Variants in TRIT1 observed in about 807,000 individuals in gnomAD.
TRIT1 encodes the protein tRNA dimethylallyltransferase.
Under a neutral mutation model 51.2 loss-of-function variants are expected in TRIT1, and 43 were observed. The ratio of observed to expected loss-of-function variants is 0.84; its 90% CI spans 0.66 to 1.08. The LOEUF is 1.08. Among genes scored for constraint, TRIT1 ranks in the 50% least tolerant of loss-of-function variants. The pLI is 0.00. For synonymous variants in TRIT1, 184 were observed against 203.9 expected, an observed-to-expected ratio of 0.90 and a Z score of 0.83; for missense variants, 528 against 578.4, an observed-to-expected ratio of 0.91 and a Z score of 0.89.
intron 7 of TRIT1, 50 bp from the exon 8 acceptor site, chr1:39,847,347 T>G (rs776533285): frequency 6.5e-7 from 1 of 1,548,410 alleles, no homozygotes; most frequent in Non-Finnish European, 8.9e-7. Context: ...CTCCTTACCC[T>G]GCAGAGAGGC....
chr1:39,853,865 G>T (rs1642735675), intron 3 of TRIT1, 105 bp downstream of exon 3: 2 of 731,936 alleles, frequency 2.7e-6, no homozygotes, highest in Non-Finnish European at 4.5e-6. Context: ...AATTATAGTT[G>T]CTGGGTATAA....
chr1:39,877,703 A>G (rs1644118879), intron 1 of TRIT1, among the ~76,000 whole-genome samples: 1 of 152,216 alleles, frequency 6.6e-6, no homozygotes, highest in African/African-American at 2.4e-5. Flanking sequence ...TGAATTTACA[A>G]GCCAAGAAAA....
At chr1:39,845,250 C>G (rs570491996) in intron 8 of TRIT1, among the ~76,000 whole-genome samples, 1 of 152,224 alleles carries the variant, frequency 6.6e-6, no homozygotes, top group African/African-American at 2.4e-5. Context: ...ATTCAAGAAA[C>G]ACTCCCTGGC....
In TRIT1 at chr1:39,844,157, C is replaced by T; in HGVS notation, c.1178G>A (p.Ser393Asn). Residue 393 changes from serine to asparagine, a missense_variant, in exon 10 of 11, where the codon AGT becomes AAT. By Grantham distance (46) the Ser-to-Asn change is conservative. This residue lies in a region of TRIT1 where 468 missense variants were observed against 522.6 expected (regional missense o/e 0.90). Transcript: ENST00000316891. ...ATCACAGAGGTCACACAGGTGATAA[C>T]TTCTCTTGTTCTCAGCTTCATTGTA... ...MPYNEAENKR[S>N]YHLCDLCDRI... 6.2e-7 allele frequency: 1 copy of T among 1,614,236 alleles called. No individual in the cohort carries two copies. The highest frequency in any genetic ancestry group is 1.3e-5 in the African/African-American group (1 of 75,074).
At chr1:39,880,297 GA>G (rs1009461716) in intron 1 of TRIT1, among the ~76,000 whole-genome samples, 1 of 126,744 alleles carries the variant, frequency 7.9e-6, no homozygotes, top group African/African-American at 3.0e-5. Flanking sequence ...AAAAAAAGAA[GA>G]AACTGTAAAC....
intron 1 of TRIT1, among the ~76,000 whole-genome samples, chr1:39,864,481 C>T (rs535802402): frequency 1.3e-5 from 2 of 151,226 alleles, no homozygotes; most frequent in African/African-American, 2.4e-5. Context: ...TGGTGGCAGG[C>T]GCCTGTAGTC....
intron 2 of TRIT1, among the ~76,000 whole-genome samples, chr1:39,854,572 G>A (rs1334183993): frequency 6.6e-6 from 1 of 152,134 alleles, no homozygotes; most frequent in African/African-American, 2.4e-5. Context: ...GAGATGCACA[G>A]GTTCTGAAGA....
chr1:39,852,655 T>G, intron 4 of TRIT1, 76 bp downstream of exon 4: 1 of 1,535,092 alleles, frequency 6.5e-7, no homozygotes, highest in Non-Finnish European at 8.8e-7. Flanking sequence ...ATCTCTCTCA[T>G]CATCTGGGCA....
chr1:39,864,533 C>T (rs1385463393), intron 1 of TRIT1, among the ~76,000 whole-genome samples: 2 of 147,622 alleles, frequency 1.4e-5, no homozygotes, highest in Non-Finnish European at 1.5e-5. Context: ...GGTGTGAACC[C>T]GGGAGGCGGA....
chr1:39,842,094 G>A (rs1285560434), intron 10 of TRIT1, among the ~76,000 whole-genome samples, 181 bp from the exon 11 acceptor site: 1 of 152,206 alleles, frequency 6.6e-6, no homozygotes, highest in Non-Finnish European at 1.5e-5. Flanking sequence ...TATATGGCCA[G>A]CCAGCTAGCA....
chr1:39,869,635 C>T (rs376791943), intron 1 of TRIT1, among the ~76,000 whole-genome samples: 3 of 150,990 alleles, frequency 2.0e-5, no homozygotes, highest in East Asian at 3.9e-4. Flanking sequence ...TCTTCCCGGC[C>T]GCCATCCCAT....
intron 1 of TRIT1, among the ~76,000 whole-genome samples, chr1:39,874,916 C>T (rs569855737): frequency 2.1e-4 from 32 of 152,018 alleles, no homozygotes; most frequent in African/African-American, 7.7e-4. Flanking sequence ...GATCTGCCCG[C>T]CTCAGCCTCC....
chr1:39,859,309 G>A (rs1394716815), intron 1 of TRIT1, among the ~76,000 whole-genome samples: 3 of 135,802 alleles, frequency 2.2e-5, no homozygotes, highest in Non-Finnish European at 3.1e-5. Context: ...AAAGAGGCCA[G>A]GTGCGGAGAC....
chr1:39,862,313 T>A (rs962606956), intron 1 of TRIT1, among the ~76,000 whole-genome samples: 42 of 139,286 alleles, frequency 3.0e-4, no homozygotes, highest in African/African-American at 6.5e-4. Context: ...TATCACAATT[T>A]AAAAAAAAAA....
chr1:39,852,895 G>C lies in TRIT1; in HGVS notation c.415-19C>G. ...CCTGGGGCTATTAAATGATGGTTTA[G>C]AAGTATATTTAATTCAACCAACACT... On this transcript the variant is annotated intron_variant, in intron 3 of 10. Transcript: ENST00000316891. The C allele has an allele frequency of 6.2e-7, 1 of 1,613,222 alleles. No individual in the cohort carries two copies. Among genetic ancestry groups the C allele is most frequent in the Non-Finnish European group, 8.5e-7 (1 of 1,179,630 alleles).
At chr1:39,862,312 TTA>T (rs1491542301) in intron 1 of TRIT1, among the ~76,000 whole-genome samples, 4 of 117,080 alleles carry the variant, frequency 3.4e-5, no homozygotes, top group African/African-American at 1.1e-4. Flanking sequence ...ATATCACAAT[TTA>T]AAAAAAAAAA....
chr1:39,864,788 A>C (rs774324191), intron 1 of TRIT1, among the ~76,000 whole-genome samples: 18 of 152,008 alleles, frequency 1.2e-4, no homozygotes, highest in Non-Finnish European at 2.4e-4. Context: ...TGAGTGTGCT[A>C]ATCAGCAGCA....
At chr1:39,854,961 G>A (rs981185332) in intron 2 of TRIT1, among the ~76,000 whole-genome samples, 4 of 151,828 alleles carry the variant, frequency 2.6e-5, no homozygotes, top group African/African-American at 9.7e-5. Context: ...TCCCACCTCA[G>A]CTCCCGCCAC....
At chr1:39,846,073 A>G (rs1305322228) in intron 8 of TRIT1, among the ~76,000 whole-genome samples, 2 of 152,246 alleles carry the variant, frequency 1.3e-5, no homozygotes, top group Non-Finnish European at 2.9e-5. Context: ...AATTTGTAAT[A>G]CAGCACTGAG....
Sources: allele counts gnomAD v4.1 joint callset (sites outside exome capture counted in the v4.1 genomes callset), GRCh38; gene constraint gnomAD v4.1.1; regional missense constraint gnomAD v4.1.1; transcripts MANE v1.5; gene names NCBI Gene and HGNC (gene_info 2026-07-23, HGNC 2026-07-21).